LPAR3: variants seen among roughly 807,000 people sequenced by gnomAD.
LPAR3 encodes the protein LPA receptor 3.
A neutral mutation model predicts 17.8 loss-of-function variants in LPAR3; 7 were observed. The observed-to-expected ratio is 0.39, with a 90% confidence interval of 0.22 to 0.74. LPAR3 has a LOEUF of 0.74. Ranked by LOEUF, LPAR3 falls within the 30% of genes least tolerant of loss-of-function variation. The probability of loss-of-function intolerance (pLI) is 0.40; values close to 1 mark genes in which losing one functional copy is unlikely to be tolerated. For missense variants in LPAR3, 391 were observed against 453.4 expected, an observed-to-expected ratio of 0.86 and a Z score of 1.25; for synonymous variants, 179 against 179.9, an observed-to-expected ratio of 0.99 and a Z score of 0.04.
At chr1:84,828,681 C>T (rs1394132446) in intron 2 of LPAR3, among the ~76,000 whole-genome samples, 1 of 152,136 alleles carries the variant, frequency 6.6e-6, no homozygotes, top group Non-Finnish European at 1.5e-5. Context: ...CCCCTCCAGG[C>T]CTCTTTTCTC....
At chr1:84,827,742 T>G (rs916445911) in intron 2 of LPAR3, among the ~76,000 whole-genome samples, 5 of 152,142 alleles carry the variant, frequency 3.3e-5, no homozygotes, top group African/African-American at 1.2e-4. Context: ...TCAACAGAGC[T>G]CTGAAGAATG....
intron 2 of LPAR3, among the ~76,000 whole-genome samples, chr1:84,838,430 C>T (rs1045764120): frequency 4.6e-5 from 7 of 152,200 alleles, no homozygotes; most frequent in Admixed American, 1.3e-4. Context: ...TATCACTGTA[C>T]ACCCAGTTGT....
At chr1:84,833,472 T>C (rs190022374) in intron 2 of LPAR3, among the ~76,000 whole-genome samples, 128 of 152,290 alleles carry the variant, frequency 8.4e-4, no homozygotes, top group African/African-American at 3.0e-3. Flanking sequence ...AGAGAATGGA[T>C]ATAAGCCCTC....
intron 1 of LPAR3, among the ~76,000 whole-genome samples, chr1:84,869,595 A>C (rs1214872544): frequency 1.3e-5 from 2 of 152,178 alleles, no homozygotes; most frequent in Non-Finnish European, 2.9e-5. Flanking sequence ...TATATAGAAA[A>C]AGATAATGAA....
At chr1:84,887,968 A>G (rs778752460) in intron 1 of LPAR3, among the ~76,000 whole-genome samples, 13 of 152,072 alleles carry the variant, frequency 8.5e-5, no homozygotes, top group Non-Finnish European at 1.5e-5. Flanking sequence ...ATTGGATGAT[A>G]GTGTTTTGTA....
intron 2 of LPAR3, among the ~76,000 whole-genome samples, chr1:84,849,996 C>T (rs1421814127): frequency 1.3e-5 from 2 of 152,138 alleles, no homozygotes; most frequent in Admixed American, 1.3e-4. Flanking sequence ...GAAGGGCCTG[C>T]ACTTGGTTGA....
At chr1:84,848,949 A>G (rs1659643599) in intron 2 of LPAR3, among the ~76,000 whole-genome samples, 1 of 152,202 alleles carries the variant, frequency 6.6e-6, no homozygotes, top group Non-Finnish European at 1.5e-5. Context: ...ATCTTTCAAC[A>G]GAACAGTACA....
In LPAR3 at chr1:84,865,926, G is replaced by C. The variant is rs781375833; in HGVS notation, c.195C>G (p.Phe65Leu). ...CAGCTAAATTAGCCAACAGGTAGTAGAAGGGGAAATGAAATTTTCTGTTTT... is the reference window on the plus strand; with the variant it reads ...CAGCTAAATTAGCCAACAGGTAGTACAAGGGGAAATGAAATTTTCTGTTTT... ...VIKNRKFHFP[F>L]YYLLANLAAA... The change falls in exon 2 of 3, where the codon TTC becomes TTG. Residue 65 changes from phenylalanine (F) to leucine (L), a missense_variant. By Grantham distance (22) the Phe-to-Leu change is conservative. Coordinates refer to ENST00000370611, the MANE Select transcript of LPAR3 (RefSeq NM_012152.3). 1 of 1,614,136 alleles carries C rather than the reference G, an allele frequency of 6.2e-7. No homozygotes were observed. Among genetic ancestry groups the C allele is most frequent in the Non-Finnish European group, 8.5e-7 (1 of 1,180,006 alleles).
In LPAR3 at chr1:84,865,328, C is replaced by T; in HGVS notation, c.736+57G>A. On this transcript the variant is annotated intron_variant, in intron 2 of 2. Transcript: ENST00000370611. ...AAGTGCCTGGTACACCACAGATGCT[C>T]CGTAAAGATTTGCTGAATGAATGGG... 4 of 1,525,478 alleles carry T rather than the reference C, an allele frequency of 2.6e-6. No homozygotes were observed. In the South Asian group the frequency reaches 3.9e-5, roughly 15 times the overall value. 94.5% of individuals were successfully genotyped at this position (1,525,478 alleles called of 1,614,324 possible). A position where few individuals can be genotyped will look rare whatever the true frequency, so the allele number is the denominator to read the frequency against.
chr1:84,867,632 T>C (rs1267363518), intron 1 of LPAR3, among the ~76,000 whole-genome samples: 1 of 152,036 alleles, frequency 6.6e-6, no homozygotes. Context: ...GAGGTAAATA[T>C]CATTTTATAT....
chr1:84,873,264 A>G (rs1660190905), intron 1 of LPAR3, among the ~76,000 whole-genome samples: 3 of 152,234 alleles, frequency 2.0e-5, no homozygotes, highest in Non-Finnish European at 4.4e-5. Flanking sequence ...AATATACCAC[A>G]GTAATGTAAG....
intron 1 of LPAR3, among the ~76,000 whole-genome samples, chr1:84,869,925 T>G (rs1401916955): frequency 6.6e-6 from 1 of 152,224 alleles, no homozygotes; most frequent in Non-Finnish European, 1.5e-5. Flanking sequence ...AAAACTTGAC[T>G]TGCAAAACCC....
chr1:84,821,997 C>T (rs964070042), intron 2 of LPAR3, among the ~76,000 whole-genome samples: 1 of 152,152 alleles, frequency 6.6e-6, no homozygotes, highest in Admixed American at 6.5e-5. Flanking sequence ...GGTCAGAACT[C>T]TGAGAGCTCC....
chr1:84,877,205 C>T (rs556266614), intron 1 of LPAR3, among the ~76,000 whole-genome samples: 3 of 152,334 alleles, frequency 2.0e-5, no homozygotes, highest in African/African-American at 7.2e-5. Flanking sequence ...TAATGACAAC[C>T]TGAGCCAAGG....
At chr1:84,816,030 C>T (rs1003293987) in intron 2 of LPAR3, among the ~76,000 whole-genome samples, 6 of 152,162 alleles carry the variant, frequency 3.9e-5, no homozygotes, top group East Asian at 3.9e-4. Flanking sequence ...CATGTCATTG[C>T]GCTGGGCTCA....
intron 2 of LPAR3, among the ~76,000 whole-genome samples, chr1:84,862,539 A>G (rs937678506): frequency 1.3e-5 from 2 of 152,232 alleles, no homozygotes; most frequent in Admixed American, 1.3e-4. Flanking sequence ...AAATAAGTTA[A>G]TGTTTGTAAA....
intron 2 of LPAR3, among the ~76,000 whole-genome samples, chr1:84,843,353 CTT>C (rs1407644228): frequency 1.3e-5 from 2 of 152,234 alleles, no homozygotes. Flanking sequence ...GAAAGTTTCT[CTT>C]TGTGACCACC....
At chr1:84,869,520 C>G (rs1387029892) in intron 1 of LPAR3, among the ~76,000 whole-genome samples, 2 of 151,916 alleles carry the variant, frequency 1.3e-5, no homozygotes, top group Non-Finnish European at 2.9e-5. Context: ...TGCGGTAATA[C>G]AAGAAAAAGC....
chr1:84,841,317 G>C (rs1450523725), intron 2 of LPAR3, among the ~76,000 whole-genome samples: 1 of 152,126 alleles, frequency 6.6e-6, no homozygotes, highest in African/African-American at 2.4e-5. Context: ...TGACAATTAA[G>C]GTTTGCTTTA....
Sources: gnomAD v4.1 joint callset for allele counts (sites outside exome capture counted in the v4.1 genomes callset) on GRCh38, gnomAD v4.1.1 for gene constraint, MANE v1.5 for transcripts, NCBI Gene and HGNC (gene_info 2026-07-23, HGNC 2026-07-21) for gene names.